The following MSR1 variants were observed in gnomAD, a reference collection of about 807,000 sequenced individuals.
The protein encoded by MSR1 is macrophage scavenger receptor 1, also known as macrophage scavenger receptor types I and II.
In MSR1, 53 loss-of-function variants were observed where a neutral mutation model predicts 47.2. The ratio of observed to expected loss-of-function variants is 1.12; its 90% CI spans 0.90 to 1.41. The LOEUF is 1.41. Ranked by LOEUF, MSR1 falls within the 40% of genes most tolerant of loss-of-function variation. The pLI, the probability that MSR1 is intolerant of heterozygous loss-of-function variation, is 0.00. For synonymous variants in MSR1, 239 were observed against 185.6 expected, an observed-to-expected ratio of 1.29 and a Z score of -2.34; for missense variants, 786 against 546.9, an observed-to-expected ratio of 1.44 and a Z score of -4.36.
At chr8:16,190,945 T>C (rs1004062412) in intron 1 of MSR1, among the ~76,000 whole-genome samples, 1 of 152,116 alleles carries the variant, frequency 6.6e-6, no homozygotes, top group Admixed American at 6.6e-5. Flanking sequence ...GGTCTTGAAC[T>C]CCCGACCTCA....
At chr8:16,149,239 G>A (rs1476668248) in intron 7 of MSR1, among the ~76,000 whole-genome samples, 1 of 152,030 alleles carries the variant, frequency 6.6e-6, no homozygotes, top group Non-Finnish European at 1.5e-5. Context: ...CCACACTAAT[G>A]CAAGATGTTA....
intron 1 of MSR1, among the ~76,000 whole-genome samples, chr8:16,192,368 T>C (rs1190106459): frequency 6.6e-6 from 1 of 152,158 alleles, no homozygotes; most frequent in Non-Finnish European, 1.5e-5. Context: ...TGTGAACATA[T>C]ATGTTTTTCA....
At chr8:16,110,763 A>G (rs1799739128) in intron 9 of MSR1, among the ~76,000 whole-genome samples, 1 of 152,118 alleles carries the variant, frequency 6.6e-6, no homozygotes, top group African/African-American at 2.4e-5. Context: ...AGTAGAACTA[A>G]TCTAATCAGC....
rs1275109072 is a variant in MSR1 at position 16,187,039 on chromosome 8, C to T, written c.-5+5559G>A. 2.0e-5 allele frequency among the ~76,000 whole-genome samples: 3 copies of T among 152,106 alleles called. No homozygotes were observed. In the South Asian group the frequency reaches 6.2e-4, roughly 32 times the overall value. The stretch of plus-strand genomic sequence containing the variant: ...GATTGAGTCACTCCCATGCTCAAAG[C>T]CCCTGAATGCCTTCTCGTCTCACTC... On this transcript the variant is annotated intron_variant, in intron 1 of 9. Coordinates refer to ENST00000262101, the MANE Select transcript of MSR1 (RefSeq NM_138715.3).
chr8:16,116,836 C>T (rs1223996433), intron 9 of MSR1, among the ~76,000 whole-genome samples: 2 of 152,100 alleles, frequency 1.3e-5, no homozygotes, highest in African/African-American at 4.8e-5. Flanking sequence ...TCTTTGAAGT[C>T]CATGGCAAAG....
At chr8:16,160,526 A>G (rs1358734477) in intron 5 of MSR1, among the ~76,000 whole-genome samples, 1 of 152,056 alleles carries the variant, frequency 6.6e-6, no homozygotes, top group East Asian at 1.9e-4. Context: ...ATTCTGCTGG[A>G]GAAGATACAA....
At chr8:16,174,889 T>C (rs1466715737) in intron 3 of MSR1, among the ~76,000 whole-genome samples, 2 of 152,294 alleles carry the variant, frequency 1.3e-5, no homozygotes, top group East Asian at 1.9e-4. Context: ...GAGAGGACTC[T>C]AGAGGATAAT....
intron 5 of MSR1, among the ~76,000 whole-genome samples, chr8:16,160,530 G>C (rs1289764770): frequency 6.6e-6 from 1 of 151,998 alleles, no homozygotes; most frequent in Non-Finnish European, 1.5e-5. Flanking sequence ...TGCTGGAGAA[G>C]ATACAAGCTA....
intron 8 of MSR1, among the ~76,000 whole-genome samples, chr8:16,136,984 G>A (rs1331858904): frequency 1.3e-5 from 2 of 151,744 alleles, no homozygotes; most frequent in Non-Finnish European, 2.9e-5. Flanking sequence ...TCCCTACTCA[G>A]GTACACTCAG....
chr8:16,125,017 T>G (rs1246241714), intron 8 of MSR1, among the ~76,000 whole-genome samples: 1 of 151,974 alleles, frequency 6.6e-6, no homozygotes, highest in African/African-American at 2.4e-5. Flanking sequence ...TTAACTGGCA[T>G]AAACATAAGT....
chr8:16,189,373 T>TCA lies in MSR1; in HGVS notation c.-5+3224_-5+3225insTG, dbSNP rs1416528903. On this transcript the variant is annotated intron_variant, in intron 1 of 9. Transcript: ENST00000262101. Reference sequence around the variant, plus strand: ...TATTTTATATATTTTTATATATATTTTATATATATAAAATCTTATTTTATA... The same window carrying TCA: ...TATTTTATATATTTTTATATATATTTCATATATATATAAAATCTTATTTTATA... Among the ~76,000 whole-genome samples the TCA allele has an allele frequency of 5.2e-3, 494 of 95,570 alleles. 1 individual carries two copies. Among genetic ancestry groups the TCA allele is most frequent in the African/African-American group, 8.6e-3 (155 of 18,100 alleles). The allele number at this position is 95,570 out of a possible 152,430, so 62.7% of individuals were successfully genotyped here.
chr8:16,138,514 T>A lies in MSR1; in HGVS notation c.1033+5044A>T, dbSNP rs377608589. On this transcript the variant is annotated intron_variant, in intron 8 of 9. Transcript: ENST00000262101. ...AAGAGAGAAGACTTTCTTCCCTAAT[T>A]TGAAAAGTTTGGATTAGTTTTTCAC... Among the ~76,000 whole-genome samples the A allele has an allele frequency of 2.0e-5, 3 of 152,142 alleles. No individual in the cohort carries two copies. In the East Asian group the frequency reaches 5.8e-4, roughly 29 times the overall value.
chr8:16,173,926 G>A (rs1393758903), intron 3 of MSR1, among the ~76,000 whole-genome samples: 3 of 152,174 alleles, frequency 2.0e-5, no homozygotes, highest in African/African-American at 7.2e-5. Flanking sequence ...TGGGATTACA[G>A]GCATGAGCCA....
At chr8:16,121,264 A>C (rs554705717) in intron 8 of MSR1, 1 of 356,808 alleles carries the variant, frequency 2.8e-6, no homozygotes, top group African/African-American at 2.2e-5. Context: ...TTATTTTTAG[A>C]AGTGATTCAA....
chr8:16,126,819 A>G (rs893936595), intron 8 of MSR1, among the ~76,000 whole-genome samples: 6 of 152,104 alleles, frequency 3.9e-5, no homozygotes, highest in African/African-American at 1.4e-4. Context: ...GGCCTCCCAA[A>G]GTACTGGGAT....
chr8:16,169,486 C>T (rs753694568), intron 3 of MSR1, among the ~76,000 whole-genome samples: 1 of 152,014 alleles, frequency 6.6e-6, no homozygotes, highest in Non-Finnish European at 1.5e-5. Context: ...TATAAAGGTA[C>T]GATTCTCATA....
At chr8:16,158,190 C>T (rs189117566) in intron 5 of MSR1, among the ~76,000 whole-genome samples, 8 of 151,990 alleles carry the variant, frequency 5.3e-5, no homozygotes, top group Admixed American at 2.0e-4. Flanking sequence ...TATTTTTCAT[C>T]TTTAATATTT....
intron 3 of MSR1, among the ~76,000 whole-genome samples, chr8:16,169,566 A>G (rs1041491279): frequency 6.6e-6 from 1 of 152,132 alleles, no homozygotes; most frequent in Non-Finnish European, 1.5e-5. Context: ...ATAATATGGA[A>G]AAACAATTTA....
chr8:16,110,268 C>G (rs1585127816), intron 9 of MSR1, 50 bp from the exon 10 acceptor site: 1 of 1,601,838 alleles, frequency 6.2e-7, no homozygotes, highest in East Asian at 2.2e-5. Flanking sequence ...TTTAGTGTTT[C>G]TCTTTGAGTG....
Sources: allele counts gnomAD v4.1 joint callset (sites outside exome capture counted in the v4.1 genomes callset), GRCh38; gene constraint gnomAD v4.1.1; transcripts MANE v1.5; gene names NCBI Gene and HGNC (gene_info 2026-07-23, HGNC 2026-07-21).